RASSF5: variants seen among roughly 807,000 people sequenced by gnomAD.
RASSF5 encodes ras association domain-containing protein 5.
In RASSF5, 25 loss-of-function variants were observed where a neutral mutation model predicts 40.5. That is an observed-to-expected ratio of 0.62 (90% confidence interval 0.45 to 0.86). The LOEUF (loss-of-function observed/expected upper bound fraction) is 0.86. RASSF5 is among the 40% of genes least tolerant of loss of function. The pLI is 0.00. For synonymous variants in RASSF5, 246 were observed against 252.4 expected, an observed-to-expected ratio of 0.97 and a Z score of 0.24; for missense variants, 521 against 572.8, an observed-to-expected ratio of 0.91 and a Z score of 0.92.
chr1:206,509,661 T>A (rs1309099241), intron 1 of RASSF5, among the ~76,000 whole-genome samples: 4 of 152,124 alleles, frequency 2.6e-5, no homozygotes, highest in Non-Finnish European at 5.9e-5. Context: ...GGCATTCTAG[T>A]TTGTAGTTAG....
At position 206,567,497 on chromosome 1, in the gene RASSF5, T is replaced by C. The variant is rs577964659; in HGVS notation, c.580-15772T>C. ...ATGGATGGAGCGGGGAGGAGCAGGC[T>C]GTACTGGGGCCCTGTACCTGAAGGG... On this transcript the variant is annotated intron_variant, in intron 2 of 5. Transcript: ENST00000579436. 1.9e-3 allele frequency among the ~76,000 whole-genome samples: 283 copies of C among 152,256 alleles called. 1 individual carries two copies. The highest frequency in any genetic ancestry group is 6.6e-3 in the African/African-American group (275 of 41,542).
At chr1:206,544,344 T>C (rs939095757) in intron 2 of RASSF5, 7 of 152,210 alleles carry the variant, frequency 4.6e-5, no homozygotes, top group African/African-American at 1.7e-4. Flanking sequence ...TAGATGTAGA[T>C]TTTTTAACTG....
intron 1 of RASSF5, among the ~76,000 whole-genome samples, chr1:206,510,744 G>A (rs1195128017): frequency 2.0e-5 from 3 of 152,208 alleles, no homozygotes; most frequent in Non-Finnish European, 4.4e-5. Context: ...GCCTGGCATA[G>A]GGGCCACGAA....
Position 206,586,833 on chromosome 1 carries a change from C to G in RASSF5, c.1112C>G (p.Ala371Gly), listed in dbSNP as rs1553407755. The change falls in exon 6 of 6, where the codon GCC (alanine) becomes GGC (glycine). Residue 371 changes from alanine to glycine, a missense_variant. This residue lies in a region of RASSF5 where 284 missense variants were observed against 360.8 expected (regional missense o/e 0.79). Transcript: ENST00000579436. ...CTCCCTCTCGCCTCACAGTGGGATG[C>G]CTTCTCCATCCCTGAACTTCAGAAC... ...ENETGEVEWD[A>G]FSIPELQNFL... is the part of the protein sequence containing the mutation. 1.9e-6 allele frequency: 3 copies of G among 1,612,352 alleles called. No individual in the cohort carries two copies. The highest frequency in any genetic ancestry group is 2.5e-6 in the Non-Finnish European group (3 of 1,178,628).
rs931333955 is a variant in RASSF5 at position 206,543,305 on chromosome 1, T to C, written c.579+5012T>C. On this transcript the variant is annotated intron_variant, in intron 2 of 5. Coordinates refer to ENST00000579436, the MANE Select transcript of RASSF5 (RefSeq NM_182663.4). ...AGATGCTGCCCTATCGAGGCCACTC[T>C]CTTTGGCCATCTGGTGCCTGGACTA... 2.6e-5 allele frequency: 4 copies of C among 151,776 alleles called. No individual in the cohort carries two copies. In the East Asian group the frequency reaches 5.8e-4, roughly 22 times the overall value. The allele number at this position is 151,776 out of a possible 1,614,324, so 9.4% of individuals were successfully genotyped here. A position where few individuals can be genotyped will look rare whatever the true frequency, so the allele number is the denominator to read the frequency against.
rs1667461744 is a variant in RASSF5 at position 206,538,020 on chromosome 1, T to C, written c.458-152T>C. The C allele has an allele frequency of 9.6e-6, 10 of 1,043,994 alleles. No homozygotes were observed. In the South Asian group the frequency reaches 1.4e-4, roughly 14 times the overall value. The allele number at this position is 1,043,994 out of a possible 1,614,324, so 64.7% of individuals were successfully genotyped here. A position where few individuals can be genotyped will look rare whatever the true frequency, so the allele number is the denominator to read the frequency against. On this transcript the variant is annotated intron_variant, in intron 1 of 5. Transcript: ENST00000579436. ...CTTCCTGGGGGATCCGAGAGCAGGG[T>C]GGCATTCTCACGCTGTCTCCCGCCC...
At chr1:206,520,261 C>T (rs1553395898) in intron 1 of RASSF5, among the ~76,000 whole-genome samples, 1 of 152,128 alleles carries the variant, frequency 6.6e-6, no homozygotes, top group South Asian at 2.1e-4. Context: ...CTGGAATATC[C>T]TCATCTCACT....
intron 1 of RASSF5, among the ~76,000 whole-genome samples, chr1:206,530,955 C>T (rs569597819): frequency 1.3e-5 from 2 of 152,250 alleles, no homozygotes; most frequent in Non-Finnish European, 2.9e-5. Context: ...ATGTCTGATG[C>T]TGTGGCCACT....
At chr1:206,568,888 C>T (rs536265074) in intron 2 of RASSF5, among the ~76,000 whole-genome samples, 36 of 152,334 alleles carry the variant, frequency 2.4e-4, no homozygotes, top group African/African-American at 6.3e-4. Flanking sequence ...ATAGCTCCAA[C>T]GGTGAGCCAA....
chr1:206,582,590 C>T (rs782659903), intron 2 of RASSF5, among the ~76,000 whole-genome samples: 8 of 152,306 alleles, frequency 5.3e-5, no homozygotes, highest in East Asian at 1.9e-4. Context: ...TGCCCAGTAG[C>T]GGTTTATCTC....
chr1:206,516,968 C>T (rs982210589), intron 1 of RASSF5, among the ~76,000 whole-genome samples: 5 of 152,106 alleles, frequency 3.3e-5, no homozygotes, highest in African/African-American at 1.2e-4. Context: ...TTGCTTATGC[C>T]CTTCTTCTGG....
At position 206,507,878 on chromosome 1, in the gene RASSF5, G is replaced by T. The variant is rs1666502236; in HGVS notation, c.276G>T (p.Arg92=). Reference sequence around the variant, plus strand: ...GGCCTGGTCTGCAGCAGAGACTGCGGCGGCGGCCTGGAGCGCCCCGACCCC... The same window carrying T: ...GGCCTGGTCTGCAGCAGAGACTGCGTCGGCGGCCTGGAGCGCCCCGACCCC... ...PLRPGLQQRL[R]RRPGAPRPRD... Residue 92 remains arginine, a synonymous_variant, in exon 1 of 6, where the codon CGG becomes CGT. Coordinates refer to ENST00000579436, the MANE Select transcript of RASSF5 (RefSeq NM_182663.4). 1 of 1,494,862 alleles carries T rather than the reference G, an allele frequency of 6.7e-7. No individual in the cohort carries two copies. The highest frequency in any genetic ancestry group is 8.9e-7 in the Non-Finnish European group (1 of 1,129,088). 92.6% of individuals were successfully genotyped at this position (1,494,862 alleles called of 1,614,324 possible).
At chr1:206,582,118 C>T (rs1230619202) in intron 2 of RASSF5, among the ~76,000 whole-genome samples, 2 of 152,176 alleles carry the variant, frequency 1.3e-5, no homozygotes, top group Non-Finnish European at 2.9e-5. Context: ...CACTCCCAGC[C>T]ACTCAGGGAC....
Position 206,507,847 on chromosome 1 carries a change from C to T in RASSF5, c.245C>T (p.Pro82Leu). Residue 82 changes from proline to leucine, a missense_variant, in exon 1 of 6, where the codon CCG becomes CTG. This residue lies in a region of RASSF5 where 237 missense variants were observed against 212.0 expected (regional missense o/e 1.12). Coordinates refer to ENST00000579436, the MANE Select transcript of RASSF5 (RefSeq NM_182663.4). ...PPPRASRPAR[P>L]LRPGLQQRLR... The stretch of plus-strand genomic sequence containing the variant: ...CCCCGGGCCTCCCGACCCGCTCGCC[C>T]GCTCCGGCCTGGTCTGCAGCAGAGA... 6.9e-7 allele frequency: 1 copy of T among 1,451,292 alleles called. No homozygotes were observed. The highest frequency in any genetic ancestry group is 9.0e-7 in the Non-Finnish European group (1 of 1,108,380). The allele number at this position is 1,451,292 out of a possible 1,614,324, so 89.9% of individuals were successfully genotyped here.
intron 1 of RASSF5, among the ~76,000 whole-genome samples, chr1:206,508,654 C>A (rs1666532223): frequency 1.3e-5 from 2 of 151,856 alleles, no homozygotes; most frequent in Non-Finnish European, 2.9e-5. Flanking sequence ...TGAACCCGTG[C>A]CCCCTCCTGC....
At chr1:206,519,892 A>G (rs1371156391) in intron 1 of RASSF5, among the ~76,000 whole-genome samples, 2 of 152,194 alleles carry the variant, frequency 1.3e-5, no homozygotes, top group Non-Finnish European at 2.9e-5. Context: ...TATCCTCATC[A>G]ATATCCTAAT....
At chr1:206,529,458 AAGG>A (rs1558501184) in intron 1 of RASSF5, 3 of 1,194,874 alleles carry the variant, frequency 2.5e-6, no homozygotes, top group African/African-American at 1.5e-5. Context: ...CTGCATTATC[AAGG>A]AGAAGGCAAG....
At chr1:206,515,904 A>T (rs1449659006) in intron 1 of RASSF5, among the ~76,000 whole-genome samples, 10 of 152,178 alleles carry the variant, frequency 6.6e-5, no homozygotes, top group Admixed American at 2.6e-4. Context: ...CCTCAAACAA[A>T]ACCTCAGAGA....
At position 206,587,121 on chromosome 1, in the gene RASSF5, T is replaced by G; in HGVS notation, c.*143T>G. Reference sequence around the variant, plus strand: ...CAGTTCCAGCTGTGGCAAAAGTCTCTTCCATGGACAAGTGTTTGCACGAGG... The same window carrying G: ...CAGTTCCAGCTGTGGCAAAAGTCTCGTCCATGGACAAGTGTTTGCACGAGG... On this transcript the variant is annotated 3_prime_UTR_variant, in exon 6 of 6. Transcript: ENST00000579436. The G allele has an allele frequency of 9.5e-7, 1 of 1,056,690 alleles. No individual in the cohort carries two copies. The highest frequency in any genetic ancestry group is 1.4e-6 in the Non-Finnish European group (1 of 714,216). 65.5% of individuals were successfully genotyped at this position (1,056,690 alleles called of 1,614,324 possible).
Sources: gnomAD v4.1 joint callset for allele counts (sites outside exome capture counted in the v4.1 genomes callset) on GRCh38, gnomAD v4.1.1 for gene constraint, gnomAD v4.1.1 regional missense constraint, MANE v1.5 for transcripts, NCBI Gene and HGNC (gene_info 2026-07-23, HGNC 2026-07-21) for gene names.